The following DST variants were observed in gnomAD, a reference collection of about 807,000 sequenced individuals.
The protein encoded by DST is dystonin.
DST carries 253 observed loss-of-function variants against 875.2 expected under a neutral mutation model. That is an observed-to-expected ratio of 0.29 (90% CI 0.26 to 0.32). The LOEUF (loss-of-function observed/expected upper bound fraction) is 0.32, where lower values mean the gene tolerates loss of function less well. Among genes scored for constraint, DST ranks in the 10% least tolerant of loss-of-function variants. The pLI is 1.00. For missense variants in DST, 8,287 were observed against 9,111.6 expected, an observed-to-expected ratio of 0.91 and a Z score of 3.68; for synonymous variants, 3,124 against 3,197.1, an observed-to-expected ratio of 0.98 and a Z score of 0.77.
chr6:56,560,354 A>T lies in DST; in HGVS notation c.14380T>A (p.Leu4794Met). The T allele has an allele frequency of 6.2e-7, 1 of 1,609,812 alleles. No individual in the cohort carries two copies. Among genetic ancestry groups the T allele is most frequent in the South Asian group, 1.1e-5 (1 of 90,224 alleles). The change falls in exon 58 of 104, where the codon TTG becomes ATG. Residue 4794 changes from leucine (L) to methionine (M), a missense_variant. Physicochemically the swap from Leu to Met is conservative, Grantham distance 15. Transcript: ENST00000680361. ...QELKDKLTEL[L>M]EENPDTPEAP... ...TCAGGAGTATCTGGGTTCTCCTCCA[A>T]CAGCTCTGTCAATTTGTCTTTCAAC...
intron 88 of DST, chr6:56,483,673 G>A (rs999817571): frequency 4.7e-5 from 7 of 150,356 alleles, no homozygotes; most frequent in South Asian, 2.1e-4. Flanking sequence ...GTCTGTGTAT[G>A]CAACTAGATC....
chr6:56,740,254 G>T (rs546433967), intron 4 of DST, among the ~76,000 whole-genome samples: 1 of 152,290 alleles, frequency 6.6e-6, no homozygotes, highest in African/African-American at 2.4e-5. Context: ...CCTCTCTTGG[G>T]GTTTGAATCT....
At position 56,526,447 on chromosome 6, in the gene DST, C is replaced by T. The variant is rs745790990; in HGVS notation, c.18043G>A (p.Glu6015Lys). Residue 6015 changes from glutamate (E) to lysine (K), a missense_variant, in exon 69 of 104, where the codon GAG (glutamate) becomes AAG (lysine). Coordinates refer to ENST00000680361, the MANE Select transcript of DST (RefSeq NM_001374736.1). ...AREGLEKMVA[E>K]DNERYRLVSD... ...ACTAATCGGTAGCGCTCATTGTCCT[C>T]AGCTACCATTTTCTCAAGTCCTTCT... 2.5e-6 allele frequency: 4 copies of T among 1,613,880 alleles called. No homozygotes were observed. The South Asian group carries it at 3.3e-5, about 13-fold the overall frequency.
At chr6:56,809,211 C>A (rs2099756883) in intron 4 of DST, among the ~76,000 whole-genome samples, 1 of 152,182 alleles carries the variant, frequency 6.6e-6, no homozygotes, top group Non-Finnish European at 1.5e-5. Context: ...ACCCCAAATT[C>A]TTTCTCTGTC....
At chr6:56,818,542 G>A (rs576357636) in intron 4 of DST, among the ~76,000 whole-genome samples, 1 of 152,186 alleles carries the variant, frequency 6.6e-6, no homozygotes, top group East Asian at 1.9e-4. Context: ...ATCCTTCATA[G>A]CTCCAATGAT....
intron 10 of DST, among the ~76,000 whole-genome samples, chr6:56,666,198 T>C (rs971909251): frequency 2.1e-4 from 32 of 152,180 alleles, no homozygotes; most frequent in African/African-American, 7.5e-4. Context: ...ACATTCTTTT[T>C]ATTTTCAAGA....
At chr6:56,764,611 T>G (rs2099628031) in intron 4 of DST, among the ~76,000 whole-genome samples, 1 of 152,008 alleles carries the variant, frequency 6.6e-6, no homozygotes, top group African/African-American at 2.4e-5. Context: ...TTCAAATATT[T>G]ATGGGAAGAA....
At chr6:56,861,122 G>T (rs560864941) in intron 3 of DST, among the ~76,000 whole-genome samples, 27 of 152,078 alleles carry the variant, frequency 1.8e-4, no homozygotes, top group African/African-American at 6.5e-4. Flanking sequence ...TCAGAAAATT[G>T]CTTTTGATAA....
chr6:56,562,182 C>A lies in DST; in HGVS notation c.14024G>T (p.Gly4675Val), dbSNP rs748551099. Residue 4675 changes from glycine to valine, a missense_variant, in exon 56 of 104, where the codon GGT becomes GTT. This residue lies in a region of DST where 1,513 missense variants were observed against 1,677.8 expected (regional missense o/e 0.90). Coordinates refer to ENST00000680361, the MANE Select transcript of DST (RefSeq NM_001374736.1). ...CTCAGTATTTGTGGCTGTTCCTTCA[C>A]CATTTAATACTGCTCCACCTGCAAA... The part of the protein sequence containing the change: ...AVKSGGAVLN[G>V]EGTATNTEEF... 17 of 1,551,628 alleles carry A rather than the reference C, an allele frequency of 1.1e-5. No individual in the cohort carries two copies. The highest frequency in any genetic ancestry group is 1.4e-5 in the Non-Finnish European group (16 of 1,147,420).
At chr6:56,525,296 T>C (rs895708583) in intron 69 of DST, among the ~76,000 whole-genome samples, 4 of 152,146 alleles carry the variant, frequency 2.6e-5, no homozygotes, top group African/African-American at 9.7e-5. Context: ...CATTTTCCTA[T>C]AAAAATGAGG....
chr6:56,700,750 A>AAATAT (rs1460956026), intron 8 of DST, among the ~76,000 whole-genome samples: 1 of 152,172 alleles, frequency 6.6e-6, no homozygotes, highest in Admixed American at 6.6e-5. Context: ...TTAACATTTT[A>AAATAT]CTTCTTGGAC....
chr6:56,477,631 G>C, intron 90 of DST, 143 bp from the exon 91 acceptor site: 4 of 997,712 alleles, frequency 4.0e-6, no homozygotes, highest in Non-Finnish European at 6.0e-6. Flanking sequence ...CTACTAATTG[G>C]GGAGGAAAAG....
intron 9 of DST, among the ~76,000 whole-genome samples, chr6:56,680,556 C>T (rs2099152166): frequency 6.6e-6 from 1 of 152,218 alleles, no homozygotes; most frequent in Non-Finnish European, 1.5e-5. Context: ...ATCCTGATCT[C>T]ACTGAGGCAT....
intron 69 of DST, among the ~76,000 whole-genome samples, chr6:56,521,965 C>T (rs1304207429): frequency 1.3e-5 from 2 of 152,064 alleles, no homozygotes; most frequent in African/African-American, 4.8e-5. Flanking sequence ...ATAATCTTGG[C>T]ATCCATAATT....
Position 56,473,423 on chromosome 6 carries a change from T to C in DST, c.21994+450A>G, listed in dbSNP as rs576351945. 2.0e-5 allele frequency among the ~76,000 whole-genome samples: 3 copies of C among 152,326 alleles called. No individual in the cohort carries two copies. In the South Asian group the frequency reaches 6.2e-4, roughly 32 times the overall value. On this transcript the variant is annotated intron_variant, in intron 93 of 103. Transcript: ENST00000680361. ...CATGTTGTTAAAGTAGCTCAAGAAG[T>C]ATATAGAGCCTGAAGTCACATGAAC...
intron 3 of DST, among the ~76,000 whole-genome samples, chr6:56,886,776 C>CAAAA (rs35735421): frequency 6.1e-5 from 5 of 82,160 alleles, no homozygotes; most frequent in Non-Finnish European, 9.8e-5. Flanking sequence ...AACTCAGTCT[C>CAAAA]AAAAAAAAAA....
At chr6:56,725,888 C>T (rs1204872373) in intron 5 of DST, among the ~76,000 whole-genome samples, 1 of 151,728 alleles carries the variant, frequency 6.6e-6, no homozygotes, top group Non-Finnish European at 1.5e-5. Flanking sequence ...GCCATGGGTT[C>T]CTTAAATTTT....
chr6:56,788,277 A>T (rs2099709333), intron 4 of DST, among the ~76,000 whole-genome samples: 2 of 149,022 alleles, frequency 1.3e-5, no homozygotes. Context: ...ATCTCTGCTC[A>T]CTGCAGCCTC....
chr6:56,923,463 C>CAAAAAAA lies in DST; in HGVS notation c.217-22849_217-22843dup, dbSNP rs57118743. Reference sequence around the variant, plus strand: ...GGATGCTGGTAAACCGGCTCACTGGCAAAAAAAAAAAAAAAAAAAAAAAAA... The same window carrying CAAAAAAA: ...GGATGCTGGTAAACCGGCTCACTGGCAAAAAAAAAAAAAAAAAAAAAAAAAAAAAAAA... On this transcript the variant is annotated intron_variant, in intron 2 of 103. Transcript: ENST00000680361. 1.4e-4 allele frequency among the ~76,000 whole-genome samples: 7 copies of CAAAAAAA among 48,738 alleles called. 2 individuals carry two copies. Among genetic ancestry groups the CAAAAAAA allele is most frequent in the African/African-American group, 5.0e-4 (7 of 13,988 alleles). 32.0% of individuals were successfully genotyped at this position (48,738 alleles called of 152,430 possible).
Sources: gnomAD v4.1 joint callset for allele counts (sites outside exome capture counted in the v4.1 genomes callset) on GRCh38, gnomAD v4.1.1 for gene constraint, gnomAD v4.1.1 regional missense constraint, MANE v1.5 for transcripts, NCBI Gene and HGNC (gene_info 2026-07-23, HGNC 2026-07-21) for gene names.